Variants in DPP10 observed in about 807,000 individuals in gnomAD.
DPP10 encodes dipeptidyl peptidase like 10.
DPP10 carries 33 observed loss-of-function variants against 120.9 expected under a neutral mutation model. The ratio of observed to expected loss-of-function variants is 0.27; its 90% CI spans 0.21 to 0.37. DPP10 has a LOEUF of 0.37. Among genes scored for constraint, DPP10 ranks in the 10% least tolerant of loss-of-function variants. The pLI, the probability that DPP10 is intolerant of heterozygous loss-of-function variation, is 1.00. For synonymous variants in DPP10, 337 were observed against 326.1 expected, an observed-to-expected ratio of 1.03 and a Z score of -0.36; for missense variants, 816 against 942.8, an observed-to-expected ratio of 0.87 and a Z score of 1.76.
chr2:115,413,437 A>C (rs568506568), intron 3 of DPP10, among the ~76,000 whole-genome samples: 1 of 152,162 alleles, frequency 6.6e-6, no homozygotes. Context: ...ACAGTAGTGG[A>C]GCATGAGGGT....
At chr2:115,689,056 A>G (rs2091166460) in intron 5 of DPP10, among the ~76,000 whole-genome samples, 1 of 152,196 alleles carries the variant, frequency 6.6e-6, no homozygotes. Flanking sequence ...GTATCTGACA[A>G]CATTCTAGTA....
At chr2:114,689,506 C>G (rs1214803231) in intron 1 of DPP10, among the ~76,000 whole-genome samples, 1 of 151,848 alleles carries the variant, frequency 6.6e-6, no homozygotes, top group Non-Finnish European at 1.5e-5. Context: ...AGGTTGATTC[C>G]CTGTCTTTGA....
intron 5 of DPP10, among the ~76,000 whole-genome samples, chr2:115,625,057 A>G (rs1041108322): frequency 4.6e-5 from 7 of 151,164 alleles, no homozygotes; most frequent in African/African-American, 1.7e-4. Context: ...AACGATATGA[A>G]TTACCTCTTT....
chr2:115,312,724 C>T (rs1466194785), intron 2 of DPP10, among the ~76,000 whole-genome samples: 1 of 152,138 alleles, frequency 6.6e-6, no homozygotes, highest in Non-Finnish European at 1.5e-5. Context: ...GGAAATTAAA[C>T]ATGCAGCATC....
chr2:114,497,052 C>T (rs1468983958), intron 1 of DPP10, among the ~76,000 whole-genome samples: 1 of 150,124 alleles, frequency 6.7e-6, no homozygotes, highest in African/African-American at 2.4e-5. Context: ...TATGCATACA[C>T]ATACATATAT....
At chr2:114,627,083 C>T (rs977679250) in intron 1 of DPP10, among the ~76,000 whole-genome samples, 19 of 152,020 alleles carry the variant, frequency 1.2e-4, no homozygotes, top group African/African-American at 4.1e-4. Flanking sequence ...TAATTTTAAG[C>T]GCTTTGCTTT....
At chr2:114,843,287 C>G (rs1688302882) in intron 1 of DPP10, among the ~76,000 whole-genome samples, 1 of 152,014 alleles carries the variant, frequency 6.6e-6, no homozygotes, top group Non-Finnish European at 1.5e-5. Flanking sequence ...TAAACAAATC[C>G]CCCTATTACT....
At chr2:114,896,252 T>A (rs1182428650) in intron 1 of DPP10, among the ~76,000 whole-genome samples, 1 of 152,170 alleles carries the variant, frequency 6.6e-6, no homozygotes. Context: ...TTAAAGTAGT[T>A]TTTTCCAATT....
In DPP10 at chr2:114,633,233, T is replaced by C. The variant is rs1267266567; in HGVS notation, c.60+190395T>C. 1.4e-5 allele frequency among the ~76,000 whole-genome samples: 2 copies of C among 147,794 alleles called. 1 individual carries two copies. The highest frequency in any genetic ancestry group is 5.1e-5 in the African/African-American group (2 of 39,420). On this transcript the variant is annotated intron_variant, in intron 1 of 25. Coordinates refer to ENST00000410059, the MANE Select transcript of DPP10 (RefSeq NM_020868.6). Reference sequence around the variant, plus strand: ...TTTTCTCCTAACTTTATTTATTTCATATTGGTTTTTCTTTCTTTTTTTTTT... The same window carrying C: ...TTTTCTCCTAACTTTATTTATTTCACATTGGTTTTTCTTTCTTTTTTTTTT...
At chr2:114,581,021 T>C (rs542026369) in intron 1 of DPP10, among the ~76,000 whole-genome samples, 5 of 152,158 alleles carry the variant, frequency 3.3e-5, no homozygotes, top group East Asian at 3.9e-4. Flanking sequence ...TGGAGAAATT[T>C]TGTGCTGTTT....
chr2:115,728,013 A>T (rs773178204), intron 8 of DPP10, 77 bp downstream of exon 8: 15 of 1,485,540 alleles, frequency 1.0e-5, no homozygotes, highest in Non-Finnish European at 1.3e-5. Flanking sequence ...AAATCTATTC[A>T]TTCCGGAGCA....
chr2:115,044,621 G>A (rs1314293463), intron 1 of DPP10, among the ~76,000 whole-genome samples: 1 of 151,804 alleles, frequency 6.6e-6, no homozygotes, highest in Non-Finnish European at 1.5e-5. Context: ...CCAGCATTGG[G>A]GATTACATTT....
intron 1 of DPP10, among the ~76,000 whole-genome samples, chr2:115,126,300 C>G (rs1216786969): frequency 9.2e-5 from 14 of 152,046 alleles, no homozygotes; most frequent in Admixed American, 7.2e-4. Context: ...CAGGATTTCA[C>G]CACATCGCCC....
intron 3 of DPP10, among the ~76,000 whole-genome samples, chr2:115,378,805 A>G (rs1156604881): frequency 6.6e-6 from 1 of 152,160 alleles, no homozygotes; most frequent in Non-Finnish European, 1.5e-5. Context: ...ATCTATTGAG[A>G]TAATCATGTG....
In DPP10 at chr2:114,870,792, T is replaced by G; in HGVS notation, c.60+427954T>G. Among the ~76,000 whole-genome samples the G allele has an allele frequency of 1.5e-5, 2 of 135,864 alleles. 1 individual carries two copies. Among genetic ancestry groups the G allele is most frequent in the East Asian group, 6.5e-4 (2 of 3,100 alleles). 89.1% of individuals were successfully genotyped at this position (135,864 alleles called of 152,430 possible). On this transcript the variant is annotated intron_variant, in intron 1 of 25. Coordinates refer to ENST00000410059, the MANE Select transcript of DPP10 (RefSeq NM_020868.6). ...ATGCAAAGTTCATTTTTATTTTAGA[T>G]AAAGTGCCTATTTTACATAGATTTC... is the stretch of plus-strand genomic sequence containing the variant.
Position 115,260,379 on chromosome 2 carries a change from A to G in DPP10, c.61-48860A>G, listed in dbSNP as rs2059199894. Among the ~76,000 whole-genome samples, 4 of 152,082 alleles carry G rather than the reference A, an allele frequency of 2.6e-5. No individual in the cohort carries two copies. The South Asian group carries it at 8.3e-4, about 31-fold the overall frequency. On this transcript the variant is annotated intron_variant, in intron 1 of 25. Coordinates refer to ENST00000410059, the MANE Select transcript of DPP10 (RefSeq NM_020868.6). ...AAGTTTTTGTGTGCTACTTTTTACT[A>G]TTCCTAAACCAAGAAACGTGAAGAT...
At chr2:115,756,592 A>T (rs1475574095) in intron 11 of DPP10, among the ~76,000 whole-genome samples, 2 of 152,166 alleles carry the variant, frequency 1.3e-5, no homozygotes, top group East Asian at 3.9e-4. Flanking sequence ...TTTATTTAGT[A>T]AATTACATAA....
At chr2:114,941,201 C>T (rs1696871273) in intron 1 of DPP10, among the ~76,000 whole-genome samples, 1 of 152,162 alleles carries the variant, frequency 6.6e-6, no homozygotes. Flanking sequence ...TGCATGGCAT[C>T]AAAATAATGC....
intron 1 of DPP10, among the ~76,000 whole-genome samples, chr2:114,662,639 G>A (rs1697518861): frequency 6.6e-6 from 1 of 152,196 alleles, no homozygotes; most frequent in Admixed American, 6.5e-5. Flanking sequence ...CCGCGTCCAC[G>A]GAGAGAGCAC....
Sources: gnomAD v4.1 joint callset for allele counts (sites outside exome capture counted in the v4.1 genomes callset) on GRCh38, gnomAD v4.1.1 for gene constraint, MANE v1.5 for transcripts, NCBI Gene and HGNC (gene_info 2026-07-23, HGNC 2026-07-21) for gene names.